Variants in LRRIQ1 observed in about 807,000 individuals in gnomAD.
LRRIQ1 encodes leucine rich repeats and IQ motif containing 1.
Under a neutral mutation model 211.9 loss-of-function variants are expected in LRRIQ1, and 210 were observed. The ratio of observed to expected loss-of-function variants is 0.99; its 90% CI spans 0.89 to 1.11. LRRIQ1 has a LOEUF of 1.11. Ranked by LOEUF, LRRIQ1 falls within the 50% of genes most tolerant of loss-of-function variation. The pLI, the probability that LRRIQ1 is intolerant of heterozygous loss-of-function variation, is 0.00. For missense variants in LRRIQ1, 2,136 were observed against 1,939.5 expected, an observed-to-expected ratio of 1.10 and a Z score of -1.90; for synonymous variants, 699 against 650.1, an observed-to-expected ratio of 1.08 and a Z score of -1.14.
chr12:85,046,166 G>A, intron 5 of LRRIQ1, 29 bp downstream of exon 5: 4 of 1,315,058 alleles, frequency 3.0e-6, no homozygotes, highest in Non-Finnish European at 4.3e-6. Context: ...TGATATGTTT[G>A]TTGATTTTTA....
At chr12:85,132,723 C>T (rs779052404) in intron 18 of LRRIQ1, among the ~76,000 whole-genome samples, 48 of 151,664 alleles carry the variant, frequency 3.2e-4, no homozygotes, top group Non-Finnish European at 1.0e-4. Flanking sequence ...GATTGCACCA[C>T]TGCATTCCAG....
chr12:85,062,638 T>C (rs1339422250), intron 8 of LRRIQ1, among the ~76,000 whole-genome samples: 1 of 151,718 alleles, frequency 6.6e-6, no homozygotes, highest in Non-Finnish European at 1.5e-5. Context: ...TCTTTGGTAT[T>C]GTGAATGGTG....
chr12:85,084,082 T>C (rs1279042398), intron 11 of LRRIQ1, among the ~76,000 whole-genome samples: 2 of 152,200 alleles, frequency 1.3e-5, no homozygotes, highest in East Asian at 1.9e-4. Flanking sequence ...AAAGCTATTT[T>C]TGGAAAAATA....
At chr12:85,232,286 G>C (rs946986691) in intron 25 of LRRIQ1, among the ~76,000 whole-genome samples, 1 of 151,968 alleles carries the variant, frequency 6.6e-6, no homozygotes, top group Non-Finnish European at 1.5e-5. Flanking sequence ...TTGAATATTA[G>C]TATAACACAT....
At chr12:85,259,972 TAAG>T (rs536324496) in intron 1 of LRRIQ1, among the ~76,000 whole-genome samples, 1 of 151,984 alleles carries the variant, frequency 6.6e-6, no homozygotes, top group Non-Finnish European at 1.5e-5. Context: ...GAAACACTGT[TAAG>T]AATAAAAGTT....
chr12:85,115,266 T>G (rs1887490612), intron 15 of LRRIQ1, among the ~76,000 whole-genome samples: 1 of 152,178 alleles, frequency 6.6e-6, no homozygotes, highest in Non-Finnish European at 1.5e-5. Context: ...TTCTAATATA[T>G]TCATCATAAA....
At chr12:85,044,665 A>C in intron 3 of LRRIQ1, 53 bp from the exon 4 acceptor site, 1 of 845,922 alleles carries the variant, frequency 1.2e-6, no homozygotes. Context: ...AAATTTTGAG[A>C]TGTTGTATTG....
chr12:85,102,657 C>G (rs898671681), intron 13 of LRRIQ1, among the ~76,000 whole-genome samples: 1 of 151,406 alleles, frequency 6.6e-6, no homozygotes, highest in Non-Finnish European at 1.5e-5. Context: ...CTTCCACTCA[C>G]AGGGTTACTC....
At chr12:85,270,584 TAA>T in the LRRIQ1 span, among the ~76,000 whole-genome samples, 19 of 152,308 alleles carry the variant, frequency 1.2e-4, no homozygotes, top group South Asian at 3.9e-3. Context: ...TTCTGCTTTT[TAA>T]GTCACTTTTC....
At chr12:85,213,819 A>C (rs770145274) in intron 24 of LRRIQ1, among the ~76,000 whole-genome samples, 48 of 152,014 alleles carry the variant, frequency 3.2e-4, no homozygotes, top group Non-Finnish European at 4.1e-4. Context: ...GAAATAAAAA[A>C]AGTAATAAAA....
At position 85,197,993 on chromosome 12, in the gene LRRIQ1, T is replaced by G. The variant is rs1411918259; in HGVS notation, c.4823-31524T>G. Reference sequence around the variant, plus strand: ...AAATATATATAATTATATTATATATTATATATAACATATATAATATATTAT... The same window carrying G: ...AAATATATATAATTATATTATATATGATATATAACATATATAATATATTAT... On this transcript the variant is annotated intron_variant, in intron 24 of 26. Transcript: ENST00000393217. Among the ~76,000 whole-genome samples, 5 of 59,902 alleles carry G rather than the reference T, an allele frequency of 8.3e-5. No individual in the cohort carries two copies. In the South Asian group the frequency reaches 1.4e-3, roughly 16 times the overall value. The allele number at this position is 59,902 out of a possible 152,430, so 39.3% of individuals were successfully genotyped here.
intron 21 of LRRIQ1, 80 bp from the exon 22 acceptor site, chr12:85,153,583 A>G: frequency 1.2e-6 from 1 of 865,802 alleles, no homozygotes; most frequent in Non-Finnish European, 1.8e-6. Context: ...AGTTTGAGAC[A>G]ACATAAACAG....
rs1369890232 is a variant in LRRIQ1, at chr12:85,106,517, T to A, written c.3284-5T>A. 1 of 1,586,206 alleles carries A rather than the reference T, an allele frequency of 6.3e-7. No homozygotes were observed. The highest frequency in any genetic ancestry group is 1.7e-5 in the Admixed American group (1 of 58,978). ...TACCTTTCAAAATGATTTTATTTTC[T>A]GTAGATCTTAAAAGTGCCATAAAAT... On this transcript the variant is annotated splice_polypyrimidine_tract_variant and splice_region_variant and intron_variant, in intron 14 of 26. Coordinates refer to ENST00000393217, the MANE Select transcript of LRRIQ1 (RefSeq NM_001079910.2).
chr12:85,232,122 A>C (rs1255701195), intron 25 of LRRIQ1, among the ~76,000 whole-genome samples: 6 of 152,120 alleles, frequency 3.9e-5, no homozygotes, highest in Non-Finnish European at 7.4e-5. Flanking sequence ...TTATATATAA[A>C]ATTTTAAACA....
chr12:85,115,471 A>G (rs1246901496), intron 15 of LRRIQ1, among the ~76,000 whole-genome samples: 5 of 152,304 alleles, frequency 3.3e-5, no homozygotes, highest in African/African-American at 1.2e-4. Flanking sequence ...CAAGCAAACT[A>G]AATATCTACA....
At chr12:85,113,115 TG>T (rs1887306158) in intron 15 of LRRIQ1, among the ~76,000 whole-genome samples, 2 of 152,150 alleles carry the variant, frequency 1.3e-5, no homozygotes, top group South Asian at 4.1e-4. Flanking sequence ...TGAGTACAAA[TG>T]TTCAGACCAG....
intron 18 of LRRIQ1, among the ~76,000 whole-genome samples, chr12:85,136,427 A>G (rs1471617497): frequency 1.3e-5 from 2 of 151,882 alleles, no homozygotes; most frequent in Non-Finnish European, 2.9e-5. Flanking sequence ...AGAACATATT[A>G]TGTGATTGGT....
At chr12:85,228,360 C>T (rs1894770869) in intron 24 of LRRIQ1, among the ~76,000 whole-genome samples, 1 of 152,144 alleles carries the variant, frequency 6.6e-6, no homozygotes, top group South Asian at 2.1e-4. Flanking sequence ...CTCATGGATT[C>T]AATGGCCAAT....
chr12:85,267,576 C>T (rs925009856), downstream of LRRIQ1, among the ~76,000 whole-genome samples: 4 of 151,988 alleles, frequency 2.6e-5, no homozygotes, highest in Non-Finnish European at 4.4e-5. Context: ...GAGTTCTCTA[C>T]CAAAGCTCAT....
Sources: gnomAD v4.1 joint callset for allele counts (sites outside exome capture counted in the v4.1 genomes callset) on GRCh38, gnomAD v4.1.1 for gene constraint, MANE v1.5 for transcripts, NCBI Gene and HGNC (gene_info 2026-07-23, HGNC 2026-07-21) for gene names.